The following IRF2 variants were observed in gnomAD, a reference collection of about 807,000 sequenced individuals.
IRF2 encodes interferon regulatory factor 2.
Under a neutral mutation model 40.6 loss-of-function variants are expected in IRF2, and 15 were observed. That is an observed-to-expected ratio of 0.37 (90% CI 0.25 to 0.57). The LOEUF is 0.57. IRF2 is among the 20% of genes least tolerant of loss of function. IRF2 has a pLI of 0.77. For missense variants in IRF2, 317 were observed against 455.7 expected, an observed-to-expected ratio of 0.70 and a Z score of 2.77; for synonymous variants, 151 against 165.5, an observed-to-expected ratio of 0.91 and a Z score of 0.67.
chr4:184,406,024 G>GT (rs1554013006), intron 6 of IRF2, among the ~76,000 whole-genome samples: 1 of 152,070 alleles, frequency 6.6e-6, no homozygotes, highest in Non-Finnish European at 1.5e-5. Context: ...ATATTGCGAT[G>GT]TAAGGGTTCA....
chr4:184,403,705 C>G (rs1368449468), intron 6 of IRF2, among the ~76,000 whole-genome samples: 1 of 152,236 alleles, frequency 6.6e-6, no homozygotes, highest in Admixed American at 6.5e-5. Flanking sequence ...GAAGTCCAAA[C>G]TGAGTTACTG....
chr4:184,453,662 T>C (rs1738810178), intron 1 of IRF2, among the ~76,000 whole-genome samples: 1 of 152,118 alleles, frequency 6.6e-6, no homozygotes, highest in East Asian at 1.9e-4. Context: ...CGTAACAGTA[T>C]AGAGAACAAG....
intron 2 of IRF2, among the ~76,000 whole-genome samples, chr4:184,426,730 T>C (rs186418969): frequency 1.3e-5 from 2 of 152,310 alleles, no homozygotes; most frequent in East Asian, 3.9e-4. Context: ...ACACTGTCTC[T>C]TCTCCACTGC....
intron 7 of IRF2, among the ~76,000 whole-genome samples, chr4:184,391,742 G>A (rs558896670): frequency 3.4e-4 from 52 of 152,282 alleles, no homozygotes; most frequent in Admixed American, 2.0e-3. Flanking sequence ...AATGTGTGTC[G>A]CTTCAAGCCA....
At position 184,474,051 on chromosome 4, in the gene IRF2, A is replaced by C. The variant is rs1337220223; in HGVS notation, c.-7+328T>G. 1 of 153,362 alleles carries C rather than the reference A, an allele frequency of 6.5e-6. No individual in the cohort carries two copies. The highest frequency in any genetic ancestry group is 1.9e-4 in the East Asian group (1 of 5,214). The allele number at this position is 153,362 out of a possible 1,614,324, so 9.5% of individuals were successfully genotyped here. A position where few individuals can be genotyped will look rare whatever the true frequency, so the allele number is the denominator to read the frequency against. On this transcript the variant is annotated intron_variant, in intron 1 of 8. Coordinates refer to ENST00000393593, the MANE Select transcript of IRF2 (RefSeq NM_002199.4). This position sits in a 1 kb window ranked among gnomAD's most constrained non-coding sequence, Gnocchi z 5.6. Reference sequence around the variant, plus strand: ...ATGGAGCCACCTCTCCGCATCTGCAAATCCAAAAGTGAAATTAAACCTCCA... The same window carrying C: ...ATGGAGCCACCTCTCCGCATCTGCACATCCAAAAGTGAAATTAAACCTCCA...
At chr4:184,412,028 A>AAAAAAC (rs1737095725) in intron 5 of IRF2, among the ~76,000 whole-genome samples, 1 of 149,576 alleles carries the variant, frequency 6.7e-6, no homozygotes, top group African/African-American at 2.4e-5. Flanking sequence ...AAAAAAAAAA[A>AAAAAAC]AGACTCTGCT....
chr4:184,447,478 C>T (rs1378657400), intron 1 of IRF2, among the ~76,000 whole-genome samples: 3 of 152,104 alleles, frequency 2.0e-5, no homozygotes, highest in African/African-American at 7.2e-5. Flanking sequence ...CAAGAAATAC[C>T]AATGGATGCT....
intron 2 of IRF2, 61 bp downstream of exon 2, chr4:184,428,917 C>A: frequency 1.5e-6 from 2 of 1,312,710 alleles, no homozygotes; most frequent in South Asian, 1.2e-5. Context: ...TTTCAGCAGT[C>A]CGCATGGGCG....
At chr4:184,463,966 G>A (rs1320965388) in intron 1 of IRF2, among the ~76,000 whole-genome samples, 1 of 151,956 alleles carries the variant, frequency 6.6e-6, no homozygotes, top group Non-Finnish European at 1.5e-5. Context: ...CTAACACACA[G>A]AAATGAATAG....
chr4:184,457,689 GTCCT>G (rs1244858507), intron 1 of IRF2, among the ~76,000 whole-genome samples: 1 of 152,128 alleles, frequency 6.6e-6, no homozygotes, highest in Non-Finnish European at 1.5e-5. Context: ...GCACAACCCA[GTCCT>G]TCCCGCAATG....
chr4:184,416,331 A>C (rs1177639457), intron 5 of IRF2, among the ~76,000 whole-genome samples: 73 of 148,544 alleles, frequency 4.9e-4, no homozygotes, highest in African/African-American at 1.3e-3. Context: ...AAAAAAACAA[A>C]AAAAAAAAAA....
At chr4:184,420,386 T>G (rs1310708185) in intron 2 of IRF2, among the ~76,000 whole-genome samples, 1 of 152,222 alleles carries the variant, frequency 6.6e-6, no homozygotes, top group Non-Finnish European at 1.5e-5. Flanking sequence ...TCCATTTGCT[T>G]GTGCATCCAA....
chr4:184,402,580 G>A (rs566803303), intron 6 of IRF2, among the ~76,000 whole-genome samples: 72 of 152,246 alleles, frequency 4.7e-4, no homozygotes, highest in African/African-American at 1.7e-3. Flanking sequence ...CCGGAGAGGC[G>A]CTCAGGGACT....
chr4:184,400,263 C>T (rs901580694), intron 6 of IRF2, among the ~76,000 whole-genome samples: 1 of 152,188 alleles, frequency 6.6e-6, no homozygotes, highest in African/African-American at 2.4e-5. Flanking sequence ...TTAATCTGTT[C>T]CCCATTTCAT....
At chr4:184,422,600 A>G (rs2149901710) in intron 2 of IRF2, among the ~76,000 whole-genome samples, 1 of 152,394 alleles carries the variant, frequency 6.6e-6, no homozygotes, top group Admixed American at 6.5e-5. Flanking sequence ...TTCAGCCACA[A>G]AAAGGAATAG....
chr4:184,434,665 AC>A (rs1738014532), intron 1 of IRF2, among the ~76,000 whole-genome samples: 1 of 152,208 alleles, frequency 6.6e-6, no homozygotes, highest in Non-Finnish European at 1.5e-5. Context: ...CATGGTGGGT[AC>A]TGAGAATATC....
At chr4:184,450,836 A>ATTTG (rs901321917) in intron 1 of IRF2, among the ~76,000 whole-genome samples, 64 of 152,156 alleles carry the variant, frequency 4.2e-4, no homozygotes, top group African/African-American at 1.5e-3. Flanking sequence ...GTTAAATGGC[A>ATTTG]TTTGTTTGTT....
At chr4:184,399,152 T>G in intron 6 of IRF2, 73 bp from the exon 7 acceptor site, 6 of 1,481,934 alleles carry the variant, frequency 4.0e-6, no homozygotes, top group Non-Finnish European at 5.4e-6. Context: ...CAAGAAAGAG[T>G]CTTCCCCAAA....
At chr4:184,462,259 G>A (rs910391394) in intron 1 of IRF2, among the ~76,000 whole-genome samples, 5 of 152,188 alleles carry the variant, frequency 3.3e-5, no homozygotes, top group Non-Finnish European at 7.3e-5. Context: ...TGGGAATTTC[G>A]CTGCTGAAGG....
Sources: allele counts gnomAD v4.1 joint callset (sites outside exome capture counted in the v4.1 genomes callset), GRCh38; gene constraint gnomAD v4.1.1; non-coding constraint Gnocchi (gnomAD v3.1); transcripts MANE v1.5; gene names NCBI Gene and HGNC (gene_info 2026-07-23, HGNC 2026-07-21).